The following NAV1 variants were observed in gnomAD, a reference collection of about 807,000 sequenced individuals.
NAV1 encodes neuron navigator 1.
In NAV1, 18 loss-of-function variants were observed where a neutral mutation model predicts 175.2. The observed-to-expected ratio is 0.10, with a 90% CI of 0.07 to 0.15. NAV1 has a LOEUF of 0.15. Among genes scored for constraint, NAV1 ranks in the 10% least tolerant of loss-of-function variants. NAV1 has a pLI of 1.00. For synonymous variants in NAV1, 897 were observed against 978.7 expected (o/e 0.92, Z 1.56); for missense variants, 1,731 against 2,436.6 (o/e 0.71, Z 6.10).
In NAV1 at chr1:201,630,520, C is replaced by T. The variant is rs142042645; in HGVS notation, c.4+1013C>T. On this transcript the variant is annotated intron_variant, in intron 2 of 29. Coordinates refer to the NAV1 transcript ENST00000367302. The stretch of plus-strand genomic sequence containing the variant: ...CTGCTGGGCAGGTGGCCAGATATCC[C>T]TTCTTGGCCTGGGAGCTGGGACCTT... 1.3e-4 allele frequency among the ~76,000 whole-genome samples: 20 copies of T among 152,312 alleles called. No individual in the cohort carries two copies. In the East Asian group the frequency reaches 3.7e-3, roughly 28 times the overall value.
intron 2 of NAV1, among the ~76,000 whole-genome samples, chr1:201,634,407 TC>T (rs1201023484): frequency 1.3e-5 from 2 of 152,180 alleles, no homozygotes; most frequent in Non-Finnish European, 2.9e-5. Flanking sequence ...ATGCAGCTGG[TC>T]TTCAGAGGTC....
At chr1:201,736,196 A>G (rs1258453412) in intron 3 of NAV1, among the ~76,000 whole-genome samples, 2 of 152,200 alleles carry the variant, frequency 1.3e-5, no homozygotes, top group Non-Finnish European at 2.9e-5. Context: ...GGGAACGAGA[A>G]GACATGAGGG....
At chr1:201,567,823 A>G (rs368973319) in intron 1 of NAV1, among the ~76,000 whole-genome samples, 2 of 152,012 alleles carry the variant, frequency 1.3e-5, no homozygotes, top group East Asian at 3.9e-4. Context: ...CAAAACCCCA[A>G]AGCCTTGTGT....
chr1:201,794,091 G>T (rs1238817354), intron 14 of NAV1: 1 of 693,240 alleles, frequency 1.4e-6, no homozygotes, highest in African/African-American at 1.7e-5. Flanking sequence ...GAATTCCAAT[G>T]CCTCGCCCAT....
exon 30 of NAV1, chr1:201,823,541 T>C (rs545017264): frequency 2.0e-5 from 3 of 152,314 alleles, no homozygotes; most frequent in African/African-American, 7.2e-5. Context: ...CCATGTCTTT[T>C]TCATGTCTAA....
intron 1 of NAV1, among the ~76,000 whole-genome samples, chr1:201,546,868 C>T (rs1226557913): frequency 1.4e-5 from 2 of 146,426 alleles, no homozygotes; most frequent in East Asian, 2.0e-4. Context: ...GGCACCACTG[C>T]ACTCCAGTCT....
At chr1:201,714,440 G>C (rs972589018) in intron 2 of NAV1, among the ~76,000 whole-genome samples, 1 of 152,186 alleles carries the variant, frequency 6.6e-6, no homozygotes, top group East Asian at 1.9e-4. Flanking sequence ...TAAATGGTAA[G>C]ATAAATCAAA....
At position 201,611,926 on chromosome 1, in the gene NAV1, G is replaced by A. The variant is rs73084536; in HGVS notation, c.-32-10927G>A. ...TTTGTGTGTTTAAGAATAAGCATGAGTGTGAGTTGCATGTATGATGTGTGC... is the reference window on the plus strand; with the variant it reads ...TTTGTGTGTTTAAGAATAAGCATGAATGTGAGTTGCATGTATGATGTGTGC... On this transcript the variant is annotated intron_variant, in intron 2 of 33. Transcript: ENST00000685211. Among the ~76,000 whole-genome samples, 1,519 of 152,228 alleles carry A rather than the reference G, an allele frequency of 1.0e-2. 21 individuals carry two copies. Among genetic ancestry groups the A allele is most frequent in the African/African-American group, 0.034 (1,405 of 41,484 alleles).
intron 1 of NAV1, among the ~76,000 whole-genome samples, chr1:201,684,098 C>T (rs1406564047): frequency 6.6e-6 from 1 of 152,140 alleles, no homozygotes; most frequent in Non-Finnish European, 1.5e-5. Context: ...CTTTGACATA[C>T]TCCAATCTTT....
At chr1:201,609,461 G>A (rs541615341) in intron 2 of NAV1, among the ~76,000 whole-genome samples, 2 of 152,276 alleles carry the variant, frequency 1.3e-5, no homozygotes, top group South Asian at 2.1e-4. Context: ...CTCCTGTCCC[G>A]GCACCAAGGA....
chr1:201,742,518 C>G (rs1673490515), intron 3 of NAV1, among the ~76,000 whole-genome samples: 1 of 152,162 alleles, frequency 6.6e-6, no homozygotes, highest in Non-Finnish European at 1.5e-5. Flanking sequence ...TATGGTCTCT[C>G]CTGGAGACTC....
intron 3 of NAV1, among the ~76,000 whole-genome samples, chr1:201,754,415 A>C (rs1674326260): frequency 6.6e-6 from 1 of 152,216 alleles, no homozygotes; most frequent in Admixed American, 6.5e-5. Context: ...TCAAGGAGTG[A>C]CTGACAGTGT....
chr1:201,822,759 G>A (rs1176024825), exon 30 of NAV1: 2 of 152,628 alleles, frequency 1.3e-5, no homozygotes, highest in Non-Finnish European at 2.9e-5. Flanking sequence ...CTTTCCCTCT[G>A]GAGCCTGGGA....
chr1:201,629,424 C>G (rs1668424662), exon 2 of NAV1: 1 of 1,303,844 alleles, frequency 7.7e-7, no homozygotes, highest in Admixed American at 2.3e-5. Flanking sequence ...GACCAGAAAC[C>G]TGGCCCCCTC....
At chr1:201,822,707 G>C (rs1443027577) in exon 30 of NAV1, 1 of 152,662 alleles carries the variant, frequency 6.6e-6, no homozygotes, top group Non-Finnish European at 1.5e-5. Context: ...CTTTCCTCCA[G>C]AAAGTGTGTT....
At chr1:201,680,236 G>A (rs1231349649) in intron 1 of NAV1, among the ~76,000 whole-genome samples, 7 of 152,134 alleles carry the variant, frequency 4.6e-5, no homozygotes, top group East Asian at 1.9e-4. Flanking sequence ...AAGGCTGGGC[G>A]CGGTGGCTCA....
intron 2 of NAV1, among the ~76,000 whole-genome samples, chr1:201,638,836 G>C (rs143378588): frequency 1.3e-5 from 2 of 152,342 alleles, no homozygotes; most frequent in African/African-American, 4.8e-5. Flanking sequence ...GAGGTGCTTA[G>C]TAACTGTAAG....
chr1:201,553,495 C>G (rs975915076), intron 1 of NAV1, among the ~76,000 whole-genome samples: 1 of 152,224 alleles, frequency 6.6e-6, no homozygotes, highest in African/African-American at 2.4e-5. Flanking sequence ...GGAGGGAATC[C>G]TTTTCTCTTC....
At chr1:201,588,079 G>C (rs1459744038) in intron 1 of NAV1, among the ~76,000 whole-genome samples, 1 of 152,170 alleles carries the variant, frequency 6.6e-6, no homozygotes, top group African/African-American at 2.4e-5. Flanking sequence ...ATGTACTCAA[G>C]AGATATACTC....
Sources: allele counts gnomAD v4.1 joint callset (sites outside exome capture counted in the v4.1 genomes callset), GRCh38; gene constraint gnomAD v4.1.1; transcripts MANE v1.5; gene names NCBI Gene and HGNC (gene_info 2026-07-23, HGNC 2026-07-21).